Variants in SDK1 observed in about 807,000 individuals in gnomAD.
SDK1 encodes sidekick cell adhesion molecule 1.
A neutral mutation model predicts 245.5 loss-of-function variants in SDK1; 157 were observed. The ratio of observed to expected loss-of-function variants is 0.64; its 90% CI spans 0.56 to 0.73. SDK1 has a LOEUF of 0.73. SDK1 is among the 30% of genes least tolerant of loss of function. The pLI, the probability that SDK1 is intolerant of heterozygous loss-of-function variation, is 0.00. For missense variants in SDK1, 3,583 were observed against 3,002.3 expected, an observed-to-expected ratio of 1.19 and a Z score of -4.52; for synonymous variants, 1,647 against 1,278.5, an observed-to-expected ratio of 1.29 and a Z score of -6.15.
At chr7:3,550,377 A>T (rs1779362583) in intron 1 of SDK1, among the ~76,000 whole-genome samples, 1 of 152,166 alleles carries the variant, frequency 6.6e-6, no homozygotes, top group African/African-American at 2.4e-5. Context: ...CTCACAATCA[A>T]CATACTGTGG....
intron 4 of SDK1, among the ~76,000 whole-genome samples, chr7:3,766,041 T>C (rs1389874708): frequency 6.6e-6 from 1 of 152,226 alleles, no homozygotes; most frequent in Non-Finnish European, 1.5e-5. Context: ...TTAATAAGTG[T>C]ATCATTTATT....
intron 1 of SDK1, among the ~76,000 whole-genome samples, chr7:3,586,339 AG>A: frequency 6.6e-6 from 1 of 152,160 alleles, no homozygotes; most frequent in East Asian, 1.9e-4. Flanking sequence ...GGTGACCTTG[AG>A]AATGTGTTTC....
chr7:4,028,340 C>T (rs17134194), intron 17 of SDK1, among the ~76,000 whole-genome samples: 2,948 of 152,244 alleles, frequency 0.019, 74 homozygotes, highest in African/African-American at 0.056. Context: ...CTTGTACCCA[C>T]GGAGGATCAG....
chr7:4,074,700 A>G (rs572961862), intron 20 of SDK1, among the ~76,000 whole-genome samples: 2 of 151,358 alleles, frequency 1.3e-5, no homozygotes, highest in Non-Finnish European at 2.9e-5. Flanking sequence ...CATCTCTACA[A>G]AAAATTTTAA....
chr7:3,829,976 A>G lies in SDK1; in HGVS notation c.847+8393A>G, dbSNP rs748220688. 3.0e-4 allele frequency among the ~76,000 whole-genome samples: 45 copies of G among 152,320 alleles called. 1 individual carries two copies. The highest frequency in any genetic ancestry group is 1.6e-4 in the Non-Finnish European group (11 of 68,028). ...CTTACTAATGGAGCATCAGAACAATAAGTCACAATTTCTGATAACAAAGTG... is the reference window on the plus strand; with the variant it reads ...CTTACTAATGGAGCATCAGAACAATGAGTCACAATTTCTGATAACAAAGTG... On this transcript the variant is annotated intron_variant, in intron 5 of 44. Transcript: ENST00000404826.
At chr7:3,861,585 T>C (rs1034971139) in intron 5 of SDK1, among the ~76,000 whole-genome samples, 2 of 152,198 alleles carry the variant, frequency 1.3e-5, no homozygotes. Context: ...TATGGAGAAC[T>C]TGAATGTCTT....
chr7:3,858,705 C>T (rs578049266), intron 5 of SDK1, among the ~76,000 whole-genome samples: 21 of 151,428 alleles, frequency 1.4e-4, no homozygotes, highest in African/African-American at 2.4e-4. Flanking sequence ...AAGCAAAAAA[C>T]GAAGGAAGAA....
At chr7:4,127,147 T>C (rs73048323) in intron 25 of SDK1, among the ~76,000 whole-genome samples, 14,116 of 152,242 alleles carry the variant, frequency 0.093, 867 homozygotes, top group African/African-American at 0.17. Context: ...TTTTCTTGCT[T>C]GGTGGACTCA....
At chr7:3,970,698 C>A (rs1264527498) in intron 11 of SDK1, among the ~76,000 whole-genome samples, 1 of 152,210 alleles carries the variant, frequency 6.6e-6, no homozygotes, top group Non-Finnish European at 1.5e-5. Flanking sequence ...CTTTACAGAA[C>A]ATTTTCACAC....
At chr7:3,573,628 A>G (rs1780186228) in intron 1 of SDK1, among the ~76,000 whole-genome samples, 1 of 152,044 alleles carries the variant, frequency 6.6e-6, no homozygotes, top group African/African-American at 2.4e-5. Context: ...TTGAATATGA[A>G]AAAACAATAA....
intron 4 of SDK1, among the ~76,000 whole-genome samples, chr7:3,701,073 T>C (rs1040685531): frequency 3.3e-5 from 5 of 152,122 alleles, no homozygotes; most frequent in Non-Finnish European, 5.9e-5. Flanking sequence ...CGTAGAAAAT[T>C]CCAAGGAATC....
At chr7:3,737,730 G>C (rs913838299) in intron 4 of SDK1, among the ~76,000 whole-genome samples, 1 of 152,174 alleles carries the variant, frequency 6.6e-6, no homozygotes, top group Non-Finnish European at 1.5e-5. Flanking sequence ...CAGTGTTCCT[G>C]TGAGACAAGA....
chr7:4,237,489 TG>T (rs1786243159), intron 41 of SDK1, among the ~76,000 whole-genome samples, 157 bp from the exon 42 acceptor site: 1 of 152,056 alleles, frequency 6.6e-6, no homozygotes. Flanking sequence ...GCTTGTCCCA[TG>T]GGAAAAGTCC....
chr7:3,968,524 T>C (rs929314097), intron 10 of SDK1, among the ~76,000 whole-genome samples: 14 of 152,234 alleles, frequency 9.2e-5, no homozygotes, highest in African/African-American at 3.4e-4. Context: ...TACAGATCAA[T>C]AACAGGGCTG....
At chr7:3,953,279 G>T (rs547172567) in intron 7 of SDK1, among the ~76,000 whole-genome samples, 1 of 152,090 alleles carries the variant, frequency 6.6e-6, no homozygotes, top group South Asian at 2.1e-4. Flanking sequence ...ATTAGGAAAT[G>T]ACTCCATGTC....
At chr7:4,083,673 C>G (rs1422117813) in intron 22 of SDK1, among the ~76,000 whole-genome samples, 1 of 146,618 alleles carries the variant, frequency 6.8e-6, no homozygotes, top group African/African-American at 2.6e-5. Context: ...TCTTTCCTCC[C>G]TCTCTCCCTT....
intron 44 of SDK1, among the ~76,000 whole-genome samples, chr7:4,255,971 G>C (rs936455290): frequency 2.8e-5 from 4 of 143,840 alleles, no homozygotes; most frequent in African/African-American, 1.1e-4. Context: ...CCGGGCTGGA[G>C]TGCAGTGGTG....
intron 1 of SDK1, among the ~76,000 whole-genome samples, chr7:3,482,481 A>G (rs1043041852): frequency 5.3e-5 from 8 of 152,294 alleles, no homozygotes; most frequent in South Asian, 2.1e-4. Context: ...CTGGAACCCT[A>G]AAGTCCGTAA....
chr7:3,822,188 G>A (rs1779662850), intron 5 of SDK1, among the ~76,000 whole-genome samples: 1 of 152,148 alleles, frequency 6.6e-6, no homozygotes, highest in Non-Finnish European at 1.5e-5. Context: ...AGAGTTAATT[G>A]CTAAAGAAGG....
Sources: allele counts gnomAD v4.1 joint callset (sites outside exome capture counted in the v4.1 genomes callset), GRCh38; gene constraint gnomAD v4.1.1; transcripts MANE v1.5; gene names NCBI Gene and HGNC (gene_info 2026-07-23, HGNC 2026-07-21).